Variants in FUT9 observed in about 807,000 individuals in gnomAD.
FUT9 encodes fucosyltransferase 9, also known as 4-galactosyl-N-acetylglucosaminide 3-alpha-L-fucosyltransferase 9.
A neutral mutation model predicts 29.7 loss-of-function variants in FUT9; 15 were observed. That is an observed-to-expected ratio of 0.51 (90% CI 0.34 to 0.78). FUT9 has a LOEUF of 0.78. Ranked by LOEUF, FUT9 falls within the 30% of genes least tolerant of loss-of-function variation. The pLI, the probability that FUT9 is intolerant of heterozygous loss-of-function variation, is 0.01. For synonymous variants in FUT9, 169 were observed against 153.7 expected (o/e 1.10, Z -0.74); for missense variants, 319 against 425.4 (o/e 0.75, Z 2.20).
intron 1 of FUT9, among the ~76,000 whole-genome samples, chr6:96,104,886 A>AT (rs1327295156): frequency 6.6e-6 from 1 of 152,192 alleles, no homozygotes; most frequent in African/African-American, 2.4e-5. Context: ...GCAGGTACAG[A>AT]TTTTTTGGCA....
chr6:96,042,793 A>T (rs1333120844), intron 1 of FUT9, among the ~76,000 whole-genome samples: 1 of 152,148 alleles, frequency 6.6e-6, no homozygotes, highest in Non-Finnish European at 1.5e-5. Flanking sequence ...CACCTCTGTG[A>T]GATACTTCCC....
chr6:96,130,803 C>G (rs1438982207), intron 2 of FUT9, among the ~76,000 whole-genome samples: 1 of 152,176 alleles, frequency 6.6e-6, no homozygotes, highest in Non-Finnish European at 1.5e-5. Context: ...AAAACTCTTA[C>G]AATGTACGAG....
chr6:96,168,940 G>A (rs1025450408), intron 2 of FUT9, among the ~76,000 whole-genome samples: 3 of 152,126 alleles, frequency 2.0e-5, no homozygotes, highest in South Asian at 2.1e-4. Context: ...CCTACCTATC[G>A]CAACAGGCAG....
intron 2 of FUT9, among the ~76,000 whole-genome samples, chr6:96,168,628 A>G (rs1240546936): frequency 1.3e-5 from 2 of 152,238 alleles, no homozygotes; most frequent in Non-Finnish European, 2.9e-5. Context: ...ATTAGAAGGT[A>G]TGTAATAGGA....
chr6:96,065,188 C>A (rs1487465552), intron 1 of FUT9, among the ~76,000 whole-genome samples: 3 of 152,128 alleles, frequency 2.0e-5, no homozygotes, highest in African/African-American at 7.2e-5. Flanking sequence ...TAAAAATATT[C>A]TGAGACTTAG....
intron 2 of FUT9, among the ~76,000 whole-genome samples, chr6:96,172,747 A>G (rs1773136022): frequency 6.6e-6 from 1 of 152,208 alleles, no homozygotes; most frequent in Admixed American, 6.5e-5. Context: ...TGTCTGCACA[A>G]TACATTGACA....
intron 2 of FUT9, among the ~76,000 whole-genome samples, chr6:96,192,976 G>A (rs1201381248): frequency 6.6e-6 from 1 of 151,856 alleles, no homozygotes; most frequent in Non-Finnish European, 1.5e-5. Context: ...TTAATAAATG[G>A]TGCTGGGAAA....
intron 1 of FUT9, among the ~76,000 whole-genome samples, chr6:96,039,858 A>G (rs890516670): frequency 6.6e-6 from 1 of 152,144 alleles, no homozygotes; most frequent in Non-Finnish European, 1.5e-5. Flanking sequence ...CTTCCTTTCC[A>G]TGTGGGGTTT....
In FUT9 at chr6:96,139,840, G is replaced by T. The variant is rs778726309; in HGVS notation, c.-9+25713G>T. ...ATGTCCTGAGGCTGCATAGAGTGGG[G>T]CCTCCATGCCTGTGATTGGAGGGGG... is the stretch of plus-strand genomic sequence containing the variant. On this transcript the variant is annotated intron_variant, in intron 2 of 2. Transcript: ENST00000302103. Among the ~76,000 whole-genome samples, 36 of 152,220 alleles carry T rather than the reference G, an allele frequency of 2.4e-4. No individual in the cohort carries two copies. The Middle Eastern group carries it at 0.02, about 86-fold the overall frequency.
At chr6:96,151,670 G>A (rs1772678370) in intron 2 of FUT9, among the ~76,000 whole-genome samples, 2 of 152,088 alleles carry the variant, frequency 1.3e-5, no homozygotes, top group African/African-American at 4.8e-5. Flanking sequence ...ACAAAGCTGT[G>A]AGCTGAGTTT....
intron 1 of FUT9, among the ~76,000 whole-genome samples, chr6:96,029,037 G>A (rs985949660): frequency 1.3e-5 from 2 of 151,446 alleles, no homozygotes; most frequent in Non-Finnish European, 3.0e-5. Flanking sequence ...TGTTAAACCT[G>A]TTGTAAAACC....
intron 2 of FUT9, among the ~76,000 whole-genome samples, chr6:96,159,268 T>C (rs1474766833): frequency 6.6e-6 from 1 of 152,058 alleles, no homozygotes; most frequent in Non-Finnish European, 1.5e-5. Context: ...GATTTTTGAA[T>C]CAACAGAGAA....
At chr6:96,147,093 CCT>C (rs919687023) in intron 2 of FUT9, among the ~76,000 whole-genome samples, 4 of 152,122 alleles carry the variant, frequency 2.6e-5, no homozygotes, top group African/African-American at 9.7e-5. Context: ...CAACTCTCCC[CCT>C]TTTTGTCATC....
intron 2 of FUT9, among the ~76,000 whole-genome samples, chr6:96,116,836 T>C (rs1340730157): frequency 6.6e-6 from 1 of 152,144 alleles, no homozygotes; most frequent in South Asian, 2.1e-4. Context: ...ATTGATTACA[T>C]GAGGAAATTT....
At chr6:96,066,322 T>C (rs1770960872) in intron 1 of FUT9, among the ~76,000 whole-genome samples, 1 of 135,994 alleles carries the variant, frequency 7.4e-6, no homozygotes, top group Admixed American at 8.0e-5. Flanking sequence ...ATAATATTGA[T>C]ATAGGATAGA....
At chr6:96,059,126 T>C (rs1770828614) in intron 1 of FUT9, among the ~76,000 whole-genome samples, 1 of 152,182 alleles carries the variant, frequency 6.6e-6, no homozygotes, top group African/African-American at 2.4e-5. Context: ...TGATATAAAA[T>C]AATCTGTGTG....
intron 1 of FUT9, among the ~76,000 whole-genome samples, chr6:96,054,456 G>T (rs1322075186): frequency 1.3e-5 from 2 of 152,120 alleles, no homozygotes; most frequent in South Asian, 2.1e-4. Flanking sequence ...TAACTATTAT[G>T]ATCCAAACAC....
At chr6:96,176,393 C>T (rs894660133) in intron 2 of FUT9, among the ~76,000 whole-genome samples, 1 of 151,820 alleles carries the variant, frequency 6.6e-6, no homozygotes, top group Non-Finnish European at 1.5e-5. Flanking sequence ...CCTATTGGTT[C>T]TGTTTCTATG....
At chr6:96,132,746 G>T (rs1232809759) in intron 2 of FUT9, among the ~76,000 whole-genome samples, 1 of 151,984 alleles carries the variant, frequency 6.6e-6, no homozygotes, top group East Asian at 1.9e-4. Context: ...ATACTGTAAT[G>T]TAATTTGTGC....
Sources: gnomAD v4.1 joint callset for allele counts (sites outside exome capture counted in the v4.1 genomes callset) on GRCh38, gnomAD v4.1.1 for gene constraint, MANE v1.5 for transcripts, NCBI Gene and HGNC (gene_info 2026-07-23, HGNC 2026-07-21) for gene names.